CDON: variants seen among roughly 807,000 people sequenced by gnomAD.
CDON encodes cell adhesion associated, oncogene regulated, also known as cell adhesion molecule-related/down-regulated by oncogenes.
A neutral mutation model predicts 120.9 loss-of-function variants in CDON; 73 were observed. The observed-to-expected ratio is 0.60, with a 90% CI of 0.50 to 0.73. The LOEUF (loss-of-function observed/expected upper bound fraction) is 0.73. Ranked by LOEUF, CDON falls within the 30% of genes least tolerant of loss-of-function variation. The pLI is 0.00. For missense variants in CDON, 1,470 were observed against 1,587.3 expected, an observed-to-expected ratio of 0.93 and a Z score of 1.26; for synonymous variants, 566 against 573.5, an observed-to-expected ratio of 0.99 and a Z score of 0.19.
intron 18 of CDON, among the ~76,000 whole-genome samples, chr11:125,962,591 C>T (rs568595443): frequency 2.0e-3 from 307 of 152,302 alleles, no homozygotes; most frequent in African/African-American, 7.1e-3. Context: ...GAGTATTTCA[C>T]GTCAATTCTG....
chr11:125,964,834 AT>A (rs1215127457), intron 18 of CDON, among the ~76,000 whole-genome samples: 6 of 152,232 alleles, frequency 3.9e-5, no homozygotes, highest in Non-Finnish European at 8.8e-5. Context: ...CAATTATGGA[AT>A]TAGAGAGGAA....
At chr11:125,973,487 TG>T (rs1946062753) in intron 18 of CDON, among the ~76,000 whole-genome samples, 1 of 152,048 alleles carries the variant, frequency 6.6e-6, no homozygotes. Flanking sequence ...GCCAAGATCG[TG>T]CCACTGCACT....
At position 126,001,807 on chromosome 11, in the gene CDON, G is replaced by A. The variant is rs535317968; in HGVS notation, c.2070C>T (p.Pro690=). The A allele has an allele frequency of 1.1e-5, 17 of 1,610,436 alleles. No homozygotes were observed. The highest frequency in any genetic ancestry group is 4.0e-5 in the African/African-American group (3 of 75,000). The part of the protein sequence containing the change: ...SSKNTQASSP[P]VGIPKYPVVS... The stretch of plus-strand genomic sequence containing the variant: ...CAACGGGATACTTAGGGATGCCCAC[G>A]GGTGGAGAGGATGCCTGGGTGTTTT... The change falls in exon 11 of 20, where the codon CCC becomes CCT. Residue 690 remains proline (P), a synonymous_variant. Transcript: ENST00000531738.
At chr11:126,060,742 T>TA (rs1174400052) in intron 1 of CDON, among the ~76,000 whole-genome samples, 1 of 152,258 alleles carries the variant, frequency 6.6e-6, no homozygotes, top group African/African-American at 2.4e-5. Context: ...CATTAGTTCC[T>TA]ATTCCTACCT....
At chr11:126,048,152 C>G (rs1380516798) in intron 1 of CDON, among the ~76,000 whole-genome samples, 1 of 151,960 alleles carries the variant, frequency 6.6e-6, no homozygotes, top group Non-Finnish European at 1.5e-5. Context: ...TGGCACACAC[C>G]TGTAGTCCCA....
intron 1 of CDON, among the ~76,000 whole-genome samples, chr11:126,039,356 C>G (rs1948190948): frequency 6.6e-6 from 1 of 152,172 alleles, no homozygotes; most frequent in South Asian, 2.1e-4. Flanking sequence ...TTTCCAAAAT[C>G]TGCCCTAAAA....
At chr11:125,987,101 T>C (rs536907524) in intron 15 of CDON, among the ~76,000 whole-genome samples, 2 of 152,328 alleles carry the variant, frequency 1.3e-5, no homozygotes, top group East Asian at 3.9e-4. Flanking sequence ...TCAGGTTTAA[T>C]CACTCTTTCT....
At position 125,996,161 on chromosome 11, in the gene CDON, AACACACACACACACAC is replaced by A. The variant is rs35536827; in HGVS notation, c.2362+1030_2362+1045del. On this transcript the variant is annotated intron_variant, in intron 12 of 19. Coordinates refer to ENST00000531738, the MANE Select transcript of CDON (RefSeq NM_001378964.1). ...TTTTCCTCTTATTCAGTCACAGCAA[AACACACACACACACAC>A]ACACACACACACACACACACACACA... Among the ~76,000 whole-genome samples, 164 of 146,030 alleles carry A rather than the reference AACACACACACACACAC, an allele frequency of 1.1e-3. 1 individual carries two copies. Among genetic ancestry groups the A allele is most frequent in the East Asian group, 3.5e-3 (17 of 4,848 alleles).
chr11:125,994,128 G>A (rs554116317), intron 14 of CDON, among the ~76,000 whole-genome samples, 156 bp downstream of exon 14: 19 of 152,306 alleles, frequency 1.2e-4, no homozygotes, highest in Admixed American at 2.0e-4. Flanking sequence ...TATATTAAGC[G>A]GGAAAAGGTG....
intron 7 of CDON, among the ~76,000 whole-genome samples, chr11:126,012,158 AT>A (rs1250991223): frequency 1.3e-5 from 2 of 152,174 alleles, no homozygotes; most frequent in Non-Finnish European, 2.9e-5. Flanking sequence ...GCATTGGGTT[AT>A]GCATATAAAT....
chr11:125,979,480 G>C (rs949344870), intron 17 of CDON, among the ~76,000 whole-genome samples: 1 of 152,078 alleles, frequency 6.6e-6, no homozygotes, highest in African/African-American at 2.4e-5. Context: ...CCCTCAACAC[G>C]TTGAAGTTAG....
At chr11:125,988,290 C>T (rs964558232) in intron 15 of CDON, among the ~76,000 whole-genome samples, 19 of 152,036 alleles carry the variant, frequency 1.2e-4, no homozygotes, top group African/African-American at 4.6e-4. Context: ...AAGGTGATGC[C>T]CAGAACTGTG....
intron 18 of CDON, among the ~76,000 whole-genome samples, chr11:125,971,348 A>G (rs1324250828): frequency 3.9e-5 from 6 of 152,018 alleles, no homozygotes; most frequent in Admixed American, 3.3e-4. Flanking sequence ...GCACCACTGC[A>G]CTCCAGCCTG....
intron 18 of CDON, among the ~76,000 whole-genome samples, chr11:125,963,701 G>C (rs1185535382): frequency 6.6e-6 from 1 of 152,188 alleles, no homozygotes; most frequent in Non-Finnish European, 1.5e-5. Flanking sequence ...ATTAAATTCA[G>C]AGACCAGACA....
chr11:125,956,884 G>T lies in CDON; in HGVS notation c.*4058C>A. 1.6e-5 allele frequency: 16 copies of T among 982,918 alleles called. No homozygotes were observed. Among genetic ancestry groups the T allele is most frequent in the Non-Finnish European group, 1.9e-5 (16 of 827,626 alleles). 60.9% of individuals were successfully genotyped at this position (982,918 alleles called of 1,614,324 possible). ...TTTCGGCTACCCTCAAAGCTCTCAG[G>T]ACTGGGGCTAGGGTTTAAGGAAGGC... On this transcript the variant is annotated 3_prime_UTR_variant, in exon 20 of 20. Transcript: ENST00000531738.
At chr11:126,058,910 C>T (rs1309674043) in intron 1 of CDON, among the ~76,000 whole-genome samples, 3 of 152,100 alleles carry the variant, frequency 2.0e-5, no homozygotes, top group African/African-American at 7.2e-5. Flanking sequence ...ATTTACTTGG[C>T]GCTGCTAGCA....
chr11:125,986,776 A>G (rs1946478547), intron 15 of CDON, among the ~76,000 whole-genome samples: 1 of 152,054 alleles, frequency 6.6e-6, no homozygotes. Context: ...AAAAAAAAAA[A>G]AAATCTATTC....
At chr11:125,980,137 T>C (rs1308199564) in intron 17 of CDON, among the ~76,000 whole-genome samples, 1 of 152,202 alleles carries the variant, frequency 6.6e-6, no homozygotes, top group Non-Finnish European at 1.5e-5. Flanking sequence ...AAACAAATTA[T>C]CTATTTGATC....
intron 15 of CDON, among the ~76,000 whole-genome samples, chr11:125,985,334 C>T (rs949285750): frequency 1.3e-5 from 2 of 152,136 alleles, no homozygotes; most frequent in Non-Finnish European, 2.9e-5. Flanking sequence ...CCCCCACGCA[C>T]GGATAATTTT....
Sources: allele counts gnomAD v4.1 joint callset (sites outside exome capture counted in the v4.1 genomes callset), GRCh38; gene constraint gnomAD v4.1.1; transcripts MANE v1.5; gene names NCBI Gene and HGNC (gene_info 2026-07-23, HGNC 2026-07-21).